Variants in PLCB1 observed in about 807,000 individuals in gnomAD.
PLCB1 encodes the protein 1-phosphatidylinositol 4,5-bisphosphate phosphodiesterase beta-1.
A neutral mutation model predicts 161.8 loss-of-function variants in PLCB1; 46 were observed. That is an observed-to-expected ratio of 0.28 (90% confidence interval 0.22 to 0.36). PLCB1 has a LOEUF of 0.36. Among genes scored for constraint, PLCB1 ranks in the 10% least tolerant of loss-of-function variants. The pLI is 1.00. For missense variants in PLCB1, 1,016 were observed against 1,472.5 expected, an observed-to-expected ratio of 0.69 and a Z score of 5.07; for synonymous variants, 517 against 503.7, an observed-to-expected ratio of 1.03 and a Z score of -0.35.
intron 3 of PLCB1, among the ~76,000 whole-genome samples, chr20:8,524,186 T>C (rs1284852519): frequency 6.6e-6 from 1 of 152,174 alleles, no homozygotes; most frequent in African/African-American, 2.4e-5. Context: ...GTCAAAACTA[T>C]AATATTCTAT....
intron 4 of PLCB1, among the ~76,000 whole-genome samples, chr20:8,645,398 T>A (rs1485758868): frequency 6.6e-6 from 1 of 152,256 alleles, no homozygotes; most frequent in African/African-American, 2.4e-5. Flanking sequence ...TCTTGTGTCA[T>A]CTTCTCTTGG....
At chr20:8,240,862 C>T (rs932250934) in intron 2 of PLCB1, among the ~76,000 whole-genome samples, 2 of 151,764 alleles carry the variant, frequency 1.3e-5, no homozygotes, top group Admixed American at 6.6e-5. Flanking sequence ...TTAAACTAGC[C>T]CCATGAAATT....
In PLCB1 at chr20:8,447,330, G is replaced by A. The variant is rs1980878361; in HGVS notation, c.246+75880G>A. On this transcript the variant is annotated intron_variant, in intron 3 of 31. Coordinates refer to ENST00000338037, the MANE Select transcript of PLCB1 (RefSeq NM_015192.4). ...GGTGCTAGCTGTGAAATTTGGACAA[G>A]CAGCATATCTTTTGCTCATCTCTGA... Among the ~76,000 whole-genome samples, 3 of 152,276 alleles carry A rather than the reference G, an allele frequency of 2.0e-5. No individual in the cohort carries two copies. The South Asian group carries it at 6.2e-4, about 32-fold the overall frequency.
intron 3 of PLCB1, among the ~76,000 whole-genome samples, chr20:8,450,190 C>T (rs1436640774): frequency 2.0e-5 from 3 of 152,120 alleles, no homozygotes; most frequent in Non-Finnish European, 4.4e-5. Context: ...TATTAATTTC[C>T]TTTGTGGTCT....
intron 3 of PLCB1, among the ~76,000 whole-genome samples, chr20:8,466,256 T>C (rs1981816538): frequency 6.7e-6 from 1 of 148,230 alleles, no homozygotes; most frequent in Non-Finnish European, 1.5e-5. Flanking sequence ...TTCTCGCTCA[T>C]AGGTGGGAAT....
chr20:8,190,951 A>G (rs1186114466), intron 2 of PLCB1, among the ~76,000 whole-genome samples: 2 of 152,040 alleles, frequency 1.3e-5, no homozygotes, highest in Admixed American at 1.3e-4. Flanking sequence ...GTTCATAATA[A>G]TTATATTCTG....
intron 2 of PLCB1, among the ~76,000 whole-genome samples, chr20:8,306,120 C>G (rs1984124677): frequency 6.6e-6 from 1 of 151,240 alleles, no homozygotes. Context: ...TAAACACTCT[C>G]AGAGGATGTT....
intron 3 of PLCB1, among the ~76,000 whole-genome samples, chr20:8,557,434 TG>T (rs1225115672): frequency 1.3e-5 from 2 of 152,170 alleles, no homozygotes; most frequent in African/African-American, 4.8e-5. Context: ...AAGTGAAATA[TG>T]CCAGAAACAA....
At chr20:8,703,625 C>T (rs986258) in intron 11 of PLCB1, among the ~76,000 whole-genome samples, 1 of 152,108 alleles carries the variant, frequency 6.6e-6, no homozygotes, top group Non-Finnish European at 1.5e-5. Context: ...AACATGAGTC[C>T]TAAGCCAAGC....
chr20:8,426,764 ACTGT>A (rs1246281512), intron 3 of PLCB1, among the ~76,000 whole-genome samples: 1 of 152,212 alleles, frequency 6.6e-6, no homozygotes, highest in Non-Finnish European at 1.5e-5. Context: ...CAATGATTTT[ACTGT>A]CTGTGTATCT....
chr20:8,755,737 C>G (rs1486027614), intron 23 of PLCB1, among the ~76,000 whole-genome samples: 1 of 152,032 alleles, frequency 6.6e-6, no homozygotes, highest in Non-Finnish European at 1.5e-5. Context: ...CAGATGCTCT[C>G]TAAAAGAAAA....
chr20:8,768,544 G>C (rs181791752), intron 26 of PLCB1, among the ~76,000 whole-genome samples: 13 of 152,306 alleles, frequency 8.5e-5, no homozygotes, highest in Admixed American at 6.5e-4. Context: ...ATTTAACCCA[G>C]TACATGTGCT....
intron 3 of PLCB1, among the ~76,000 whole-genome samples, chr20:8,530,473 T>G (rs1472946104): frequency 6.6e-6 from 1 of 152,226 alleles, no homozygotes; most frequent in South Asian, 2.1e-4. Context: ...AAGTATGTTT[T>G]TGTATCTATA....
intron 23 of PLCB1, among the ~76,000 whole-genome samples, chr20:8,748,906 G>T (rs1004894619): frequency 1.3e-5 from 2 of 152,064 alleles, no homozygotes; most frequent in African/African-American, 4.8e-5. Flanking sequence ...ACTGTACATA[G>T]GTATCTTATA....
chr20:8,274,938 G>A (rs1350631818), intron 2 of PLCB1, among the ~76,000 whole-genome samples: 1 of 151,894 alleles, frequency 6.6e-6, no homozygotes, highest in Admixed American at 6.6e-5. Flanking sequence ...ATTTTCCTCT[G>A]GACAAGGATA....
intron 3 of PLCB1, among the ~76,000 whole-genome samples, chr20:8,444,856 A>G (rs1212675612): frequency 6.7e-6 from 1 of 149,610 alleles, no homozygotes; most frequent in African/African-American, 2.4e-5. Context: ...TCTTTTGAGA[A>G]GTGTCTGTTT....
At chr20:8,806,420 G>A (rs1233198014) in intron 31 of PLCB1, among the ~76,000 whole-genome samples, 1 of 152,108 alleles carries the variant, frequency 6.6e-6, no homozygotes, top group Non-Finnish European at 1.5e-5. Flanking sequence ...GCAGGATTGA[G>A]GAAGGGCTCA....
chr20:8,553,449 A>G (rs1346174825), intron 3 of PLCB1, among the ~76,000 whole-genome samples: 3 of 152,192 alleles, frequency 2.0e-5, no homozygotes, highest in Admixed American at 6.5e-5. Context: ...GTTTTAAAAT[A>G]CACCAACTTC....
At chr20:8,691,476 C>T (rs913688137) in intron 10 of PLCB1, among the ~76,000 whole-genome samples, 7 of 151,966 alleles carry the variant, frequency 4.6e-5, no homozygotes, top group Non-Finnish European at 8.8e-5. Context: ...TAGCACCTAC[C>T]GTAATGTGTT....
Sources: allele counts gnomAD v4.1 joint callset (sites outside exome capture counted in the v4.1 genomes callset), GRCh38; gene constraint gnomAD v4.1.1; transcripts MANE v1.5; gene names NCBI Gene and HGNC (gene_info 2026-07-23, HGNC 2026-07-21).